The following KCNN2 variants were observed in gnomAD, a reference collection of about 807,000 sequenced individuals.
KCNN2 encodes the protein small conductance calcium-activated potassium channel protein 2.
In KCNN2, 24 loss-of-function variants were observed where a neutral mutation model predicts 55.5. The ratio of observed to expected loss-of-function variants is 0.43; its 90% CI spans 0.31 to 0.61. The LOEUF is 0.61. KCNN2 is among the 20% of genes least tolerant of loss of function. KCNN2 has a pLI of 0.08. For missense variants in KCNN2, 754 were observed against 853.6 expected (o/e 0.88, Z 1.45); for synonymous variants, 431 against 336.1 (o/e 1.28, Z -3.09).
intron 1 of KCNN2, among the ~76,000 whole-genome samples, chr5:114,126,232 G>A (rs1751927741): frequency 6.6e-6 from 1 of 152,022 alleles, no homozygotes; most frequent in South Asian, 2.1e-4. Context: ...AGACCCTATT[G>A]CTGAATAAGG....
intron 2 of KCNN2, among the ~76,000 whole-genome samples, chr5:114,307,912 A>G (rs1428283236): frequency 1.3e-5 from 2 of 151,908 alleles, no homozygotes; most frequent in East Asian, 3.9e-4. Context: ...TATACTTCCT[A>G]TTCAGCTTGA....
intron 2 of KCNN2, among the ~76,000 whole-genome samples, chr5:114,236,965 A>G (rs1363384036): frequency 6.6e-6 from 1 of 152,146 alleles, no homozygotes; most frequent in Non-Finnish European, 1.5e-5. Flanking sequence ...AATATACCAC[A>G]TCATAGTCAT....
At chr5:114,375,026 C>T (rs962175344) in intron 2 of KCNN2, among the ~76,000 whole-genome samples, 1 of 152,110 alleles carries the variant, frequency 6.6e-6, no homozygotes, top group African/African-American at 2.4e-5. Context: ...TTGACAAAGA[C>T]ATACTGATTT....
chr5:114,447,572 C>G (rs146282288), intron 3 of KCNN2, among the ~76,000 whole-genome samples: 1 of 152,182 alleles, frequency 6.6e-6, no homozygotes, highest in Non-Finnish European at 1.5e-5. Context: ...TTCTGATCCT[C>G]GATGGCCTTT....
Position 114,404,812 on chromosome 5 carries a change from C to G in KCNN2, c.1593C>G (p.Ile531Met). 6.2e-7 allele frequency: 1 copy of G among 1,613,874 alleles called. No homozygotes were observed. The change falls in exon 3 of 8, where the codon ATC becomes ATG. Residue 531 changes from isoleucine to methionine, a missense_variant. Ile to Met is a conservative substitution (Grantham distance 10). This residue lies in a region of KCNN2 where 86 missense variants were observed against 233.0 expected (regional missense o/e 0.37). Coordinates refer to ENST00000673685, the MANE Select transcript of KCNN2 (RefSeq NM_021614.4). ...GAACTGTACTCTTGGTTTTTAGTATCTCATTATGGATAATTGCCGCATGGA... is the reference window on the plus strand; with the variant it reads ...GAACTGTACTCTTGGTTTTTAGTATGTCATTATGGATAATTGCCGCATGGA... Reference protein sequence around the residue: ...CPGTVLLVFSISLWIIAAWTV... With the variant: ...CPGTVLLVFSMSLWIIAAWTV...
At chr5:114,115,538 C>T (rs145821900) in intron 1 of KCNN2, among the ~76,000 whole-genome samples, 3 of 152,116 alleles carry the variant, frequency 2.0e-5, no homozygotes, top group African/African-American at 7.2e-5. Flanking sequence ...ACATGAATGC[C>T]AGTGATGATA....
intron 1 of KCNN2, among the ~76,000 whole-genome samples, chr5:114,134,612 A>C (rs1752137158): frequency 6.6e-6 from 1 of 151,872 alleles, no homozygotes; most frequent in Non-Finnish European, 1.5e-5. Context: ...AATAGCTGGG[A>C]TTACAGGCGC....
At chr5:114,453,034 A>C (rs182440094) in intron 3 of KCNN2, among the ~76,000 whole-genome samples, 233 of 152,312 alleles carry the variant, frequency 1.5e-3, no homozygotes, top group Non-Finnish European at 2.6e-3. Flanking sequence ...ACACGGCAAT[A>C]TCAGCTTTGT....
upstream of KCNN2, among the ~76,000 whole-genome samples, chr5:114,361,584 T>C (rs112224750): frequency 1.8e-4 from 28 of 152,148 alleles, no homozygotes; most frequent in African/African-American, 6.5e-4. Context: ...GGCTGCTGTT[T>C]TGCAGCCCTG....
chr5:114,077,838 AG>A (rs1750714630), intron 1 of KCNN2, among the ~76,000 whole-genome samples: 1 of 152,184 alleles, frequency 6.6e-6, no homozygotes, highest in East Asian at 1.9e-4. Context: ...GGATCAGAGA[AG>A]GGGGGTGGTG....
chr5:114,349,533 C>T (rs1757170723), intron 2 of KCNN2, among the ~76,000 whole-genome samples: 2 of 151,992 alleles, frequency 1.3e-5, no homozygotes, highest in Admixed American at 1.3e-4. Context: ...CAAGATCTCT[C>T]ATTAGGTATA....
At chr5:114,314,607 G>A (rs1480157023) in intron 2 of KCNN2, among the ~76,000 whole-genome samples, 1 of 151,816 alleles carries the variant, frequency 6.6e-6, no homozygotes, top group Non-Finnish European at 1.5e-5. Flanking sequence ...TTTTACTTAT[G>A]TTATTTTCCC....
intron 5 of KCNN2, among the ~76,000 whole-genome samples, chr5:114,480,091 G>GA (rs2150130955): frequency 6.6e-6 from 1 of 151,864 alleles, no homozygotes; most frequent in South Asian, 2.1e-4. Flanking sequence ...CTGGTTCTTT[G>GA]AAAAAATTAA....
intron 2 of KCNN2, among the ~76,000 whole-genome samples, chr5:114,386,015 A>T (rs337687): frequency 1.4e-5 from 2 of 142,934 alleles, no homozygotes; most frequent in East Asian, 4.1e-4. Context: ...TGTCTCTATT[A>T]AAAAAAAATA....
intron 3 of KCNN2, among the ~76,000 whole-genome samples, chr5:114,446,656 T>C (rs1486110974): frequency 6.6e-6 from 1 of 152,166 alleles, no homozygotes; most frequent in Admixed American, 6.6e-5. Context: ...AGACAGGGTT[T>C]CACCATGTCG....
intron 2 of KCNN2, among the ~76,000 whole-genome samples, chr5:114,402,759 G>T (rs1758825251): frequency 6.6e-6 from 1 of 152,208 alleles, no homozygotes; most frequent in African/African-American, 2.4e-5. Flanking sequence ...GAGCTTGAAG[G>T]CACAGGTGGG....
intron 1 of KCNN2, among the ~76,000 whole-genome samples, chr5:114,216,972 A>C (rs1197080235): frequency 6.6e-6 from 1 of 152,172 alleles, no homozygotes. Context: ...CCAGCAATGA[A>C]CATGTGGAAT....
At chr5:114,176,768 T>C (rs1753138211) in intron 1 of KCNN2, among the ~76,000 whole-genome samples, 1 of 152,172 alleles carries the variant, frequency 6.6e-6, no homozygotes. Context: ...AATAAAGGGA[T>C]ATTAGATACA....
intron 1 of KCNN2, among the ~76,000 whole-genome samples, chr5:114,090,173 A>G (rs1041814031): frequency 1.3e-5 from 2 of 152,198 alleles, no homozygotes; most frequent in African/African-American, 4.8e-5. Context: ...CCTAAAATTT[A>G]AAAGGTGGTA....
Sources: allele counts gnomAD v4.1 joint callset (sites outside exome capture counted in the v4.1 genomes callset), GRCh38; gene constraint gnomAD v4.1.1; regional missense constraint gnomAD v4.1.1; transcripts MANE v1.5; gene names NCBI Gene and HGNC (gene_info 2026-07-23, HGNC 2026-07-21).